CYRIB: variants seen among roughly 807,000 people sequenced by gnomAD.
CYRIB encodes CYFIP related Rac1 interactor B, also known as CYFIP-related Rac1 interactor B.
In CYRIB, 8 loss-of-function variants were observed where a neutral mutation model predicts 44.2. The ratio of observed to expected loss-of-function variants is 0.18; its 90% CI spans 0.11 to 0.33. The LOEUF (loss-of-function observed/expected upper bound fraction) is 0.33, where lower values mean the gene tolerates loss of function less well. Among genes scored for constraint, CYRIB ranks in the 10% least tolerant of loss-of-function variants. The probability of loss-of-function intolerance (pLI) is 1.00; values close to 1 mark genes in which losing one functional copy is unlikely to be tolerated. For synonymous variants in CYRIB, 131 were observed against 127.2 expected (o/e 1.03, Z -0.20); for missense variants, 185 against 382.8 (o/e 0.48, Z 4.31).
intron 3 of CYRIB, among the ~76,000 whole-genome samples, chr8:129,872,788 G>T (rs1038848493): frequency 6.6e-6 from 1 of 151,862 alleles, no homozygotes; most frequent in Non-Finnish European, 1.5e-5. Context: ...CAAACAAGAA[G>T]GTTTTTGGTA....
chr8:130,005,141 T>C (rs1415866250), intron 1 of CYRIB, among the ~76,000 whole-genome samples: 4 of 152,158 alleles, frequency 2.6e-5, no homozygotes, highest in African/African-American at 9.7e-5. Context: ...TTTTTTATTT[T>C]TTTGCCTATT....
chr8:129,906,518 A>T (rs1256721238), intron 1 of CYRIB, among the ~76,000 whole-genome samples: 6 of 152,202 alleles, frequency 3.9e-5, no homozygotes, highest in East Asian at 3.9e-4. Flanking sequence ...AACCTACGCA[A>T]TACCATTCAG....
At chr8:129,862,392 T>G in intron 4 of CYRIB, 58 bp from the exon 7 acceptor site, 9 of 1,299,994 alleles carry the variant, frequency 6.9e-6, no homozygotes, top group Non-Finnish European at 9.8e-6. Context: ...GGTTCATTTT[T>G]ACATTAAAAT....
chr8:129,871,318 A>G (rs2057109553), intron 4 of CYRIB, 57 bp downstream of exon 6: 4 of 1,548,322 alleles, frequency 2.6e-6, no homozygotes, highest in Non-Finnish European at 3.5e-6. Flanking sequence ...ACAAGAGATT[A>G]CAAAGAGGTG....
At chr8:129,993,742 G>C (rs2096701346) in intron 1 of CYRIB, among the ~76,000 whole-genome samples, 1 of 151,394 alleles carries the variant, frequency 6.6e-6, no homozygotes, top group African/African-American at 2.4e-5. Flanking sequence ...CACACCAGTA[G>C]TCCCAGCTAC....
At chr8:129,900,627 T>G (rs2071101846) in intron 2 of CYRIB, among the ~76,000 whole-genome samples, 1 of 152,202 alleles carries the variant, frequency 6.6e-6, no homozygotes, top group African/African-American at 2.4e-5. Context: ...CCTATGGCAA[T>G]GATGGCGTTT....
In CYRIB at chr8:129,900,828, C is replaced by T. The variant is rs116982236; in HGVS notation, c.-11+2484G>A. On this transcript the variant is annotated intron_variant, in intron 2 of 11. Transcript: ENST00000519824. Reference sequence around the variant, plus strand: ...CTGGGTAGCTGGGATTACAGGTGCGCACAACCATGCCCGGCTTGTATTTTT... The same window carrying T: ...CTGGGTAGCTGGGATTACAGGTGCGTACAACCATGCCCGGCTTGTATTTTT... Among the ~76,000 whole-genome samples, 481 of 152,218 alleles carry T rather than the reference C, an allele frequency of 3.2e-3. 1 individual carries two copies. Among genetic ancestry groups the T allele is most frequent in the South Asian group, 6.9e-3 (33 of 4,816 alleles).
rs191186037 is a variant in CYRIB, at chr8:129,978,034, G to A, written c.-295-7039C>T. Among the ~76,000 whole-genome samples, 629 of 152,148 alleles carry A rather than the reference G, an allele frequency of 4.1e-3. 5 individuals carry two copies. Among genetic ancestry groups the A allele is most frequent in the African/African-American group, 0.014 (598 of 41,516 alleles). On this transcript the variant is annotated intron_variant, in intron 1 of 14. Coordinates refer to the CYRIB transcript ENST00000401979. ...ACAGATCCTCCTGCCTTAAGCTCCC[G>A]AGTAGCTGGGGTACTACTCAGTTGT...
intron 2 of CYRIB, among the ~76,000 whole-genome samples, chr8:129,891,547 T>G (rs572470751): frequency 6.6e-6 from 1 of 152,196 alleles, no homozygotes; most frequent in Non-Finnish European, 1.5e-5. Flanking sequence ...AATATCAACA[T>G]AGTAGTACTA....
At chr8:129,886,043 C>G (rs1438749449) in intron 2 of CYRIB, among the ~76,000 whole-genome samples, 1 of 152,196 alleles carries the variant, frequency 6.6e-6, no homozygotes, top group African/African-American at 2.4e-5. Context: ...CACTACTTCT[C>G]CTGCCTGCTT....
At chr8:129,867,104 C>CA (rs1386089089) in intron 4 of CYRIB, among the ~76,000 whole-genome samples, 2 of 152,154 alleles carry the variant, frequency 1.3e-5, no homozygotes, top group African/African-American at 4.8e-5. Flanking sequence ...GTCTCGGCAA[C>CA]ACAGCAAGTC....
intron 1 of CYRIB, among the ~76,000 whole-genome samples, chr8:129,999,133 G>T (rs867213452): frequency 2.6e-5 from 4 of 152,114 alleles, no homozygotes; most frequent in Non-Finnish European, 5.9e-5. Flanking sequence ...TAACGTGGGG[G>T]GGGTGGGACG....
chr8:129,878,087 G>C (rs1164003791), intron 3 of CYRIB, among the ~76,000 whole-genome samples: 1 of 152,162 alleles, frequency 6.6e-6, no homozygotes, highest in Non-Finnish European at 1.5e-5. Context: ...AAATTGTTGA[G>C]AAGGGTCAAG....
intron 2 of CYRIB, among the ~76,000 whole-genome samples, chr8:129,889,816 T>C (rs2064364989): frequency 6.6e-6 from 1 of 152,022 alleles, no homozygotes; most frequent in Admixed American, 6.6e-5. Context: ...TTTTTTCTTT[T>C]GAGACAGAGT....
At chr8:129,961,570 C>T (rs1335670212) in intron 2 of CYRIB, among the ~76,000 whole-genome samples, 1 of 152,176 alleles carries the variant, frequency 6.6e-6, no homozygotes, top group Non-Finnish European at 1.5e-5. Flanking sequence ...GTCATTTAAC[C>T]GTTTAGAAGT....
rs147237681 is a variant in CYRIB at position 130,015,232 on chromosome 8, C to A, written c.-296+1138G>T. On this transcript the variant is annotated intron_variant, in intron 1 of 14. Transcript: ENST00000401979. ...CCGACTCACCTCTCAAAATTCACCA[C>A]CCACTCGTTCATCTCACAATTATCT... is the stretch of plus-strand genomic sequence containing the variant. Among the ~76,000 whole-genome samples, 1,141 of 152,348 alleles carry A rather than the reference C, an allele frequency of 7.5e-3. 8 individuals are homozygous for A. Among genetic ancestry groups the A allele is most frequent in the Non-Finnish European group, 0.011 (774 of 68,032 alleles).
At chr8:129,978,361 G>C (rs1297522052) in intron 1 of CYRIB, among the ~76,000 whole-genome samples, 1 of 152,168 alleles carries the variant, frequency 6.6e-6, no homozygotes, top group Non-Finnish European at 1.5e-5. Context: ...TGTGGGGCAG[G>C]CTTCACACAA....
At chr8:129,901,783 T>C (rs1321648212) in intron 2 of CYRIB, 1 of 152,224 alleles carries the variant, frequency 6.6e-6, no homozygotes, top group African/African-American at 2.4e-5. Flanking sequence ...GGTATTTTTG[T>C]ATTACAATTT....
intron 1 of CYRIB, among the ~76,000 whole-genome samples, chr8:129,984,453 C>T (rs1047431269): frequency 6.6e-6 from 1 of 152,054 alleles, no homozygotes; most frequent in African/African-American, 2.4e-5. Context: ...ACCCTCATCT[C>T]ACTGGGAAAG....
Sources: gnomAD v4.1 joint callset for allele counts (sites outside exome capture counted in the v4.1 genomes callset) on GRCh38, gnomAD v4.1.1 for gene constraint, MANE v1.5 for transcripts, NCBI Gene and HGNC (gene_info 2026-07-23, HGNC 2026-07-21) for gene names.